SCN3B: variants seen among roughly 807,000 people sequenced by gnomAD.
The protein encoded by SCN3B is sodium voltage-gated channel beta subunit 3, also known as sodium channel regulatory subunit beta-3.
SCN3B carries 11 observed loss-of-function variants against 25.4 expected under a neutral mutation model. The ratio of observed to expected loss-of-function variants is 0.43; its 90% CI spans 0.27 to 0.72. The LOEUF (loss-of-function observed/expected upper bound fraction) is 0.72. Among genes scored for constraint, SCN3B ranks in the 30% least tolerant of loss-of-function variants. The pLI, the probability that SCN3B is intolerant of heterozygous loss-of-function variation, is 0.18. For synonymous variants in SCN3B, 109 were observed against 110.7 expected (o/e 0.99, Z 0.09); for missense variants, 218 against 278.3 (o/e 0.78, Z 1.54).
intron 2 of SCN3B, 112 bp downstream of exon 2, chr11:123,653,635 A>G (rs1184861770): frequency 1.6e-6 from 2 of 1,275,382 alleles, no homozygotes; most frequent in African/African-American, 1.5e-5. Flanking sequence ...GCAGATACGC[A>G]CAGAGGCAAG....
At chr11:123,652,383 C>G (rs1221643566) in intron 2 of SCN3B, among the ~76,000 whole-genome samples, 1 of 152,246 alleles carries the variant, frequency 6.6e-6, no homozygotes, top group African/African-American at 2.4e-5. Flanking sequence ...CCTCCTCAAC[C>G]TTCCTAGTCC....
At position 123,638,299 on chromosome 11, in the gene SCN3B, G is replaced by C; in HGVS notation, c.471C>G (p.Val157=). 1 of 1,614,108 alleles carries C rather than the reference G, an allele frequency of 6.2e-7. No homozygotes were observed. The highest frequency in any genetic ancestry group is 8.5e-7 in the Non-Finnish European group (1 of 1,180,034). The part of the protein sequence containing the change: ...EEAGEDFTSV[V]SEIMMYILLV... Reference sequence around the variant, plus strand: ...GAAGGATGTACATCATGATTTCTGAGACCACAGAGGTGAAGTCCTCTCCAG... The same window carrying C: ...GAAGGATGTACATCATGATTTCTGACACCACAGAGGTGAAGTCCTCTCCAG... The change falls in exon 5 of 7, where the codon GTC becomes GTG. Residue 157 remains valine (V), a synonymous_variant. Coordinates refer to ENST00000299333, the MANE Select transcript of SCN3B (RefSeq NM_001040151.2).
At chr11:123,652,216 T>A (rs141849970) in intron 2 of SCN3B, among the ~76,000 whole-genome samples, 304 of 152,348 alleles carry the variant, frequency 2.0e-3, no homozygotes, top group African/African-American at 6.8e-3. Flanking sequence ...CTAAGCCTCG[T>A]GTCCTCAGCC....
At position 123,638,146 on chromosome 11, in the gene SCN3B, G is replaced by T. The variant is rs374500940; in HGVS notation, c.584+40C>A. ...ACCTGTGAGAGCAAGCATTCTGAAG[G>T]TGCTAGCTTTCATTATTACTTTGGC... On this transcript the variant is annotated intron_variant, in intron 5 of 6. Coordinates refer to ENST00000299333, the MANE Select transcript of SCN3B (RefSeq NM_001040151.2). The T allele has an allele frequency of 1.2e-5, 20 of 1,612,160 alleles. No homozygotes were observed. The East Asian group carries it at 1.8e-4, about 14-fold the overall frequency.
intron 2 of SCN3B, among the ~76,000 whole-genome samples, chr11:123,650,354 C>T (rs1364442331): frequency 6.6e-6 from 1 of 152,116 alleles, no homozygotes; most frequent in Non-Finnish European, 1.5e-5. Flanking sequence ...AGAATGCTTT[C>T]CTTTGCACTG....
At position 123,638,266 on chromosome 11, in the gene SCN3B, G is replaced by A. The variant is rs1474498209; in HGVS notation, c.504C>T (p.Phe168=). Residue 168 remains phenylalanine, a synonymous_variant, in exon 5 of 7, where the codon TTC becomes TTT. Coordinates refer to ENST00000299333, the MANE Select transcript of SCN3B (RefSeq NM_001040151.2). ...SEIMMYILLV[F]LTLWLLIEMI... ...TCTCGATGAGCAGCCACAAGGTGAG[G>A]AAGACCAGAAGGATGTACATCATGA... 6.2e-7 allele frequency: 1 copy of A among 1,614,050 alleles called. No individual in the cohort carries two copies. Among genetic ancestry groups the A allele is most frequent in the East Asian group, 2.2e-5 (1 of 44,904 alleles).
At chr11:123,649,943 A>T (rs925722664) in intron 2 of SCN3B, among the ~76,000 whole-genome samples, 1 of 152,112 alleles carries the variant, frequency 6.6e-6, no homozygotes, top group African/African-American at 2.4e-5. Flanking sequence ...ACCTCAGGTG[A>T]TCTACCCACC....
Position 123,633,645 on chromosome 11 carries a change from T to G in SCN3B, c.*154A>C, listed in dbSNP as rs1591341607. On this transcript the variant is annotated 3_prime_UTR_variant, in exon 7 of 7. Coordinates refer to ENST00000299333, the MANE Select transcript of SCN3B (RefSeq NM_001040151.2). ...TCAGAGGTGAAAGCTCAGAGGCAGG[T>G]GGATGTATGGATGAATGAATGAACA... The G allele has an allele frequency of 4.7e-6, 1 of 214,634 alleles. No individual in the cohort carries two copies. 13.3% of individuals were successfully genotyped at this position (214,634 alleles called of 1,614,324 possible). A position where few individuals can be genotyped will look rare whatever the true frequency, so the allele number is the denominator to read the frequency against.
rs547345842 is a variant in SCN3B at position 123,642,321 on chromosome 11, T to C, written c.445+125A>G. On this transcript the variant is annotated intron_variant, in intron 4 of 6. Transcript: ENST00000299333. The surrounding 1 kb of genome is among the most constrained non-coding windows in gnomAD (Gnocchi z 4.3). ...ATGGGTCAATGGTGACATTTTTAGATGTCACCATTCCAAATACATGGGTTT... is the reference window on the plus strand; with the variant it reads ...ATGGGTCAATGGTGACATTTTTAGACGTCACCATTCCAAATACATGGGTTT... The C allele has an allele frequency of 2.4e-5, 21 of 888,264 alleles. No homozygotes were observed. The highest frequency in any genetic ancestry group is 3.1e-5 in the Non-Finnish European group (17 of 543,296). 55.0% of individuals were successfully genotyped at this position (888,264 alleles called of 1,614,324 possible).
intron 3 of SCN3B, among the ~76,000 whole-genome samples, chr11:123,643,062 A>T (rs527445543): frequency 6.6e-6 from 1 of 152,092 alleles, no homozygotes; most frequent in Non-Finnish European, 1.5e-5. Flanking sequence ...AAAGATAGAG[A>T]GAACAAGAGA....
intron 3 of SCN3B, among the ~76,000 whole-genome samples, chr11:123,645,384 G>C (rs1363745126): frequency 6.6e-6 from 1 of 152,132 alleles, no homozygotes; most frequent in African/African-American, 2.4e-5. Flanking sequence ...CATAATCAAG[G>C]GTGCTTGCAG....
At chr11:123,649,487 C>CCCA (rs1955894839) in intron 2 of SCN3B, among the ~76,000 whole-genome samples, 1 of 152,188 alleles carries the variant, frequency 6.6e-6, no homozygotes, top group Non-Finnish European at 1.5e-5. Flanking sequence ...ACAAAGTTCC[C>CCCA]CCACCTCTGT....
At position 123,642,295 on chromosome 11, in the gene SCN3B, G is replaced by A; in HGVS notation, c.445+151C>T. ...TACAGGAAGCTGGCCACCAGAAGAA[G>A]ATGGGTCAATGGTGACATTTTTAGA... On this transcript the variant is annotated intron_variant, in intron 4 of 6. Transcript: ENST00000299333. This position sits in a 1 kb window ranked among gnomAD's most constrained non-coding sequence, Gnocchi z 4.3. 1 of 749,838 alleles carries A rather than the reference G, an allele frequency of 1.3e-6. No individual in the cohort carries two copies. Among genetic ancestry groups the A allele is most frequent in the East Asian group, 2.7e-5 (1 of 37,148 alleles). 46.4% of individuals were successfully genotyped at this position (749,838 alleles called of 1,614,324 possible). A position where few individuals can be genotyped will look rare whatever the true frequency, so the allele number is the denominator to read the frequency against.
rs566177632 is a variant in SCN3B, at chr11:123,653,374, C to T, written c.55+373G>A. 6.6e-5 allele frequency among the ~76,000 whole-genome samples: 10 copies of T among 150,400 alleles called. No individual in the cohort carries two copies. The South Asian group carries it at 1.9e-3, about 29-fold the overall frequency. On this transcript the variant is annotated intron_variant, in intron 2 of 6. Coordinates refer to ENST00000299333, the MANE Select transcript of SCN3B (RefSeq NM_001040151.2). ...GAAACGAATTTGAAGACCCAGTAAG[C>T]TTTCCAGGAGTATAGACTCCTTGAT...
rs764587765 is a variant in SCN3B, at chr11:123,642,659, G to A, written c.232C>T (p.Arg78Trp). 3.8e-5 allele frequency: 61 copies of A among 1,613,650 alleles called. No homozygotes were observed. The highest frequency in any genetic ancestry group is 5.0e-5 in the Non-Finnish European group (59 of 1,179,800). ...GGKDFLIYEY[R>W]NGHQEVESPF... The stretch of plus-strand genomic sequence containing the variant: ...CTCTCCACCTCCTGGTGGCCATTCC[G>A]ATACTCGTAAATCTGCAGATAGAGG... The change falls in exon 4 of 7, where the codon CGG becomes TGG. Residue 78 changes from arginine (R) to tryptophan (W), a missense_variant. Coordinates refer to ENST00000299333, the MANE Select transcript of SCN3B (RefSeq NM_001040151.2). This position sits in a 1 kb window ranked among gnomAD's most constrained non-coding sequence, Gnocchi z 4.3.
intron 2 of SCN3B, among the ~76,000 whole-genome samples, chr11:123,653,020 G>A (rs1427580907): frequency 6.6e-6 from 1 of 152,110 alleles, no homozygotes; most frequent in African/African-American, 2.4e-5. Flanking sequence ...TTATTTGGAG[G>A]GGGAAGGTCA....
At chr11:123,635,642 C>T (rs1306368023) in intron 5 of SCN3B, among the ~76,000 whole-genome samples, 3 of 151,366 alleles carry the variant, frequency 2.0e-5, no homozygotes, top group Non-Finnish European at 4.4e-5. Flanking sequence ...GCCGAGATCG[C>T]GCCACTGCAC....
Position 123,630,862 on chromosome 11 carries a change from T to A in SCN3B, c.*2937A>T, listed in dbSNP as rs1404484619. 2 of 151,956 alleles carry A rather than the reference T, an allele frequency of 1.3e-5. No individual in the cohort carries two copies. Among genetic ancestry groups the A allele is most frequent in the African/African-American group, 4.8e-5 (2 of 41,348 alleles). 9.4% of individuals were successfully genotyped at this position (151,956 alleles called of 1,614,324 possible). On this transcript the variant is annotated 3_prime_UTR_variant, in exon 7 of 7. Transcript: ENST00000299333. ...CAATGGTTAGATGGAAGCTAAAAAA[T>A]AAGAAAAGGAAGCAGCTATGGTCTA...
intron 2 of SCN3B, among the ~76,000 whole-genome samples, chr11:123,649,063 A>G (rs1316648638): frequency 6.6e-6 from 1 of 152,242 alleles, no homozygotes. Context: ...GGTGGAATCA[A>G]AACAGTTAAG....
Sources: gnomAD v4.1 joint callset for allele counts (sites outside exome capture counted in the v4.1 genomes callset) on GRCh38, gnomAD v4.1.1 for gene constraint, Gnocchi (gnomAD v3.1) non-coding constraint, MANE v1.5 for transcripts, NCBI Gene and HGNC (gene_info 2026-07-23, HGNC 2026-07-21) for gene names.